MAD1L1: variants seen among roughly 807,000 people sequenced by gnomAD.
MAD1L1 encodes the protein mitotic arrest deficient 1 like 1.
MAD1L1 carries 95 observed loss-of-function variants against 96.9 expected under a neutral mutation model. That is an observed-to-expected ratio of 0.98 (90% CI 0.83 to 1.16). MAD1L1 has a LOEUF of 1.16. MAD1L1 is among the 50% of genes most tolerant of loss of function. The pLI is 0.00. For missense variants in MAD1L1, 1,007 were observed against 954.4 expected, an observed-to-expected ratio of 1.06 and a Z score of -0.73; for synonymous variants, 473 against 396.6, an observed-to-expected ratio of 1.19 and a Z score of -2.29.
intron 7 of MAD1L1, among the ~76,000 whole-genome samples, chr7:2,216,908 A>C (rs1562381307): frequency 6.6e-6 from 1 of 152,112 alleles, no homozygotes; most frequent in African/African-American, 2.4e-5. Flanking sequence ...GCTGCTTCCA[A>C]TACTGAGCCT....
chr7:1,914,908 G>A (rs541766070), intron 17 of MAD1L1, among the ~76,000 whole-genome samples: 173 of 152,356 alleles, frequency 1.1e-3, no homozygotes, highest in African/African-American at 3.9e-3. Flanking sequence ...GTGCCGCGCC[G>A]GCCCTGCTGT....
intron 18 of MAD1L1, chr7:1,847,684 G>C: frequency 4.2e-6 from 2 of 470,616 alleles, no homozygotes; most frequent in Non-Finnish European, 8.8e-6. Context: ...GCATACACTG[G>C]GGAGACCTCA....
At chr7:2,077,067 G>A (rs895501333) in intron 11 of MAD1L1, among the ~76,000 whole-genome samples, 3 of 145,152 alleles carry the variant, frequency 2.1e-5, no homozygotes, top group Non-Finnish European at 3.0e-5. Context: ...GGCATGGTGA[G>A]CCCAAGACAG....
chr7:2,070,961 T>C (rs1785096379), intron 11 of MAD1L1, among the ~76,000 whole-genome samples: 1 of 151,906 alleles, frequency 6.6e-6, no homozygotes, highest in Non-Finnish European at 1.5e-5. Flanking sequence ...GGCTGGTGGA[T>C]GGTGCTTTCT....
At chr7:2,098,489 C>T (rs1786613330) in intron 11 of MAD1L1, among the ~76,000 whole-genome samples, 1 of 152,172 alleles carries the variant, frequency 6.6e-6, no homozygotes, top group African/African-American at 2.4e-5. Flanking sequence ...GCCTGGGGTC[C>T]CACCAACCAT....
At chr7:2,156,775 C>T (rs1250006415) in intron 10 of MAD1L1, among the ~76,000 whole-genome samples, 1 of 146,826 alleles carries the variant, frequency 6.8e-6, no homozygotes, top group African/African-American at 2.6e-5. Flanking sequence ...GAGCTGAGAC[C>T]ACGGTATTGC....
intron 18 of MAD1L1, among the ~76,000 whole-genome samples, chr7:1,891,666 A>G (rs1185649245): frequency 3.9e-5 from 6 of 152,144 alleles, no homozygotes; most frequent in African/African-American, 1.4e-4. Flanking sequence ...CGCAGCCTCT[A>G]ACTCCTGGGG....
intron 18 of MAD1L1, among the ~76,000 whole-genome samples, chr7:1,820,398 G>A (rs190005839): frequency 6.6e-6 from 1 of 152,158 alleles, no homozygotes; most frequent in African/African-American, 2.4e-5. Context: ...CCCGAAGCAG[G>A]AGGAGGAAAT....
In MAD1L1 at chr7:1,934,295, C is replaced by T. The variant is rs186318049; in HGVS notation, c.1807+2392G>A. 4.5e-3 allele frequency among the ~76,000 whole-genome samples: 681 copies of T among 152,344 alleles called. 6 individuals carry two copies. The highest frequency in any genetic ancestry group is 0.015 in the African/African-American group (644 of 41,578). On this transcript the variant is annotated intron_variant, in intron 17 of 18. Transcript: ENST00000265854. ...CCCCCCACTCCCAATCAGCCATGGC[C>T]CGGGCACCTGTCACAGCCAGATGCC...
At chr7:2,084,447 C>A (rs1046414503) in intron 11 of MAD1L1, among the ~76,000 whole-genome samples, 5 of 152,212 alleles carry the variant, frequency 3.3e-5, no homozygotes, top group African/African-American at 4.8e-5. Flanking sequence ...CAGAGAAGGC[C>A]CTGCGCCCAC....
intron 12 of MAD1L1, among the ~76,000 whole-genome samples, chr7:2,025,965 G>A (rs900845428): frequency 1.3e-5 from 2 of 151,878 alleles, no homozygotes; most frequent in African/African-American, 4.8e-5. Context: ...CTATTAAGAT[G>A]GTTAATTTCA....
chr7:2,001,244 G>A (rs997985052), intron 14 of MAD1L1, among the ~76,000 whole-genome samples: 2 of 152,274 alleles, frequency 1.3e-5, no homozygotes, highest in African/African-American at 4.8e-5. Context: ...CTGTGACCCA[G>A]GCCAGCCTGA....
intron 14 of MAD1L1, among the ~76,000 whole-genome samples, chr7:1,987,433 G>A (rs1382999617): frequency 6.6e-6 from 1 of 152,240 alleles, no homozygotes; most frequent in Non-Finnish European, 1.5e-5. Context: ...AGGTACTGGG[G>A]CGGGTCTAAG....
rs1413264439 is a variant in MAD1L1, at chr7:2,213,270, G to A, written c.928C>T (p.Leu310=). ...LVGLELENER[L]LAKLQSWERL... The stretch of plus-strand genomic sequence containing the variant: ...TCCCAGCTTTGCAGCTTGGCCAGCA[G>A]CCTCTGAAAAGACAACAAAAGCACA... The change falls in exon 10 of 19, where the codon CTG becomes TTG. Residue 310 remains leucine, a synonymous_variant. Coordinates refer to ENST00000265854, the MANE Select transcript of MAD1L1 (RefSeq NM_001013836.2). 6.2e-7 allele frequency: 1 copy of A among 1,614,102 alleles called. No individual in the cohort carries two copies. Among genetic ancestry groups the A allele is most frequent in the Admixed American group, 1.7e-5 (1 of 60,024 alleles).
intron 18 of MAD1L1, chr7:1,846,871 A>AC (rs1247810942): frequency 4.2e-6 from 1 of 238,478 alleles, no homozygotes; most frequent in Non-Finnish European, 8.3e-6. Context: ...TTTCATCAGC[A>AC]CCCGCAGCCT....
In MAD1L1 at chr7:2,227,256, A is replaced by G. The variant is rs573746727; in HGVS notation, c.151-1706T>C. ...GGCTGCAGTGAGCCAACATTGTACC[A>G]CTGCACTCCAGCCTGGATGACAGAG... is the stretch of plus-strand genomic sequence containing the variant. On this transcript the variant is annotated intron_variant, in intron 3 of 18. Coordinates refer to ENST00000265854, the MANE Select transcript of MAD1L1 (RefSeq NM_001013836.2). 3.9e-5 allele frequency among the ~76,000 whole-genome samples: 6 copies of G among 152,278 alleles called. No homozygotes were observed. In the East Asian group the frequency reaches 7.7e-4, roughly 20 times the overall value.
At chr7:1,856,610 C>A (rs1353640697) in intron 18 of MAD1L1, among the ~76,000 whole-genome samples, 2 of 152,214 alleles carry the variant, frequency 1.3e-5, no homozygotes, top group Non-Finnish European at 2.9e-5. Context: ...AGATAAGATT[C>A]ATTAATAAAG....
intron 11 of MAD1L1, among the ~76,000 whole-genome samples, chr7:2,118,919 G>A (rs906833543): frequency 5.9e-5 from 9 of 152,122 alleles, no homozygotes; most frequent in African/African-American, 1.4e-4. Context: ...TGTGCCTCCC[G>A]TCTCTCTCCT....
chr7:2,042,164 TAC>T (rs202175325), intron 12 of MAD1L1, among the ~76,000 whole-genome samples: 10,893 of 148,628 alleles, frequency 0.073, 1,253 homozygotes, highest in African/African-American at 0.25. Context: ...CACACATATG[TAC>T]ACACATACAC....
Sources: allele counts gnomAD v4.1 joint callset (sites outside exome capture counted in the v4.1 genomes callset), GRCh38; gene constraint gnomAD v4.1.1; transcripts MANE v1.5; gene names NCBI Gene and HGNC (gene_info 2026-07-23, HGNC 2026-07-21).